Variants in ABTB2 observed in about 807,000 individuals in gnomAD.
The protein encoded by ABTB2 is ankyrin repeat and BTB domain containing 2.
In ABTB2, 56 loss-of-function variants were observed where a neutral mutation model predicts 104.1. That is an observed-to-expected ratio of 0.54 (90% CI 0.43 to 0.67). The LOEUF (loss-of-function observed/expected upper bound fraction) is 0.67. ABTB2 is among the 30% of genes least tolerant of loss of function. The pLI is 0.00. For synonymous variants in ABTB2, 606 were observed against 608.2 expected (o/e 1.00, Z 0.05); for missense variants, 1,279 against 1,407.7 (o/e 0.91, Z 1.46).
At chr11:34,302,346 T>C (rs1274407212) in intron 1 of ABTB2, among the ~76,000 whole-genome samples, 1 of 152,270 alleles carries the variant, frequency 6.6e-6, no homozygotes, top group East Asian at 1.9e-4. Flanking sequence ...GACAGGATTT[T>C]AATCTTTCCC....
At chr11:34,326,507 G>A (rs1321243547) in intron 1 of ABTB2, among the ~76,000 whole-genome samples, 3 of 151,904 alleles carry the variant, frequency 2.0e-5, no homozygotes, top group Middle Eastern at 3.2e-3. Flanking sequence ...GCACATGCCT[G>A]TAGTCCCAGC....
chr11:34,219,520 G>T (rs1453299344), intron 1 of ABTB2, among the ~76,000 whole-genome samples: 1 of 152,132 alleles, frequency 6.6e-6, no homozygotes, highest in Non-Finnish European at 1.5e-5. Context: ...TCCAGCCTGG[G>T]CAACAGAGCA....
Position 34,357,601 on chromosome 11 carries a change from C to A in ABTB2, c.-18G>T. The stretch of plus-strand genomic sequence containing the variant: ...CCGGCCATGGGGAGCCTGCCGAGGG[C>A]GGCGTCGCCGAGCGAGGGGCACTCA... On this transcript the variant is annotated 5_prime_UTR_variant, in exon 1 of 17. Coordinates refer to ENST00000435224, the MANE Select transcript of ABTB2 (RefSeq NM_145804.3). The A allele has an allele frequency of 6.7e-7, 1 of 1,491,848 alleles. No homozygotes were observed. The highest frequency in any genetic ancestry group is 1.3e-5 in the South Asian group (1 of 79,440). The allele number at this position is 1,491,848 out of a possible 1,614,324, so 92.4% of individuals were successfully genotyped here. A position where few individuals can be genotyped will look rare whatever the true frequency, so the allele number is the denominator to read the frequency against.
At chr11:34,211,948 A>G (rs1452426087) in intron 1 of ABTB2, among the ~76,000 whole-genome samples, 1 of 151,694 alleles carries the variant, frequency 6.6e-6, no homozygotes, top group African/African-American at 2.4e-5. Context: ...GTCATCTAAT[A>G]CTTGGGCAAA....
At chr11:34,186,116 C>T (rs1296424267) in intron 3 of ABTB2, among the ~76,000 whole-genome samples, 1 of 152,240 alleles carries the variant, frequency 6.6e-6, no homozygotes, top group Non-Finnish European at 1.5e-5. Flanking sequence ...CACCGCTCCG[C>T]CCAACCTCCA....
At chr11:34,279,389 C>T (rs1160783722) in intron 1 of ABTB2, among the ~76,000 whole-genome samples, 1 of 152,170 alleles carries the variant, frequency 6.6e-6, no homozygotes, top group Non-Finnish European at 1.5e-5. Flanking sequence ...GAGTGAGCTG[C>T]CATGCCCGGT....
At chr11:34,220,872 G>A (rs1318534696) in intron 1 of ABTB2, among the ~76,000 whole-genome samples, 1 of 152,196 alleles carries the variant, frequency 6.6e-6, no homozygotes, top group Non-Finnish European at 1.5e-5. Flanking sequence ...GGTGTTGGCA[G>A]GGGTTGGTTT....
intron 16 of ABTB2, among the ~76,000 whole-genome samples, chr11:34,153,088 G>A (rs1259362429): frequency 6.6e-6 from 1 of 152,092 alleles, no homozygotes; most frequent in Non-Finnish European, 1.5e-5. Context: ...TGTGAAGGAG[G>A]TAAAGCCAAC....
chr11:34,350,781 C>T (rs1855389028), intron 1 of ABTB2, among the ~76,000 whole-genome samples: 1 of 152,226 alleles, frequency 6.6e-6, no homozygotes, highest in Non-Finnish European at 1.5e-5. Context: ...GGGCCAAGTA[C>T]TGACCTGTAT....
intron 3 of ABTB2, among the ~76,000 whole-genome samples, chr11:34,177,047 A>T (rs1027737243): frequency 6.6e-6 from 1 of 152,220 alleles, no homozygotes; most frequent in Non-Finnish European, 1.5e-5. Flanking sequence ...CTTTATTTCA[A>T]CCATCAGCAT....
intron 1 of ABTB2, among the ~76,000 whole-genome samples, chr11:34,230,031 G>A (rs1408283015): frequency 6.6e-6 from 1 of 152,156 alleles, no homozygotes; most frequent in East Asian, 1.9e-4. Context: ...CAACAGCAGG[G>A]CCCCTAGTCG....
At chr11:34,173,027 A>G in intron 4 of ABTB2, 128 bp downstream of exon 4, 2 of 1,213,658 alleles carry the variant, frequency 1.6e-6, no homozygotes, top group Non-Finnish European at 2.3e-6. Context: ...CACCCTTAGA[A>G]CAGCTCAAAT....
intron 1 of ABTB2, among the ~76,000 whole-genome samples, chr11:34,246,030 A>G (rs1346019976): frequency 1.3e-5 from 2 of 152,208 alleles, no homozygotes; most frequent in Non-Finnish European, 2.9e-5. Flanking sequence ...AGCTTCTAAA[A>G]CGTTCAGGCC....
chr11:34,167,323 G>C lies in ABTB2; in HGVS notation c.1691C>G (p.Pro564Arg), dbSNP rs773027569. ...SNSPRHPSIH[P>R]DSRHWTSLTF... ...CAGTGAGGTCCAGTGCCGGCTGTCG[G>C]GGTGGATGGAAGGGTGCCTGGGGGA... is the stretch of plus-strand genomic sequence containing the variant. The change falls in exon 7 of 17, where the codon CCC becomes CGC. Residue 564 changes from proline (P) to arginine (R), a missense_variant. Pro to Arg is a moderately radical substitution (Grantham distance 103). Transcript: ENST00000435224. The C allele has an allele frequency of 6.2e-7, 1 of 1,613,544 alleles. No homozygotes were observed. Among genetic ancestry groups the C allele is most frequent in the South Asian group, 1.1e-5 (1 of 90,958 alleles).
intron 1 of ABTB2, among the ~76,000 whole-genome samples, chr11:34,284,797 G>A (rs577290206): frequency 1.3e-5 from 2 of 152,356 alleles, no homozygotes; most frequent in East Asian, 3.9e-4. Context: ...AATCTGTCAG[G>A]AGGCCCTGAA....
chr11:34,214,324 CT>C (rs1422266973), intron 1 of ABTB2, among the ~76,000 whole-genome samples: 4 of 152,020 alleles, frequency 2.6e-5, no homozygotes, highest in Non-Finnish European at 5.9e-5. Context: ...GCTTTCCAAA[CT>C]TTTTATAATG....
At chr11:34,233,803 T>C (rs1428397961) in intron 1 of ABTB2, among the ~76,000 whole-genome samples, 1 of 152,198 alleles carries the variant, frequency 6.6e-6, no homozygotes, top group Non-Finnish European at 1.5e-5. Context: ...GTACAAATAG[T>C]ACATGTACAA....
intron 1 of ABTB2, among the ~76,000 whole-genome samples, chr11:34,272,639 G>A (rs1420807630): frequency 6.8e-6 from 1 of 147,286 alleles, no homozygotes; most frequent in African/African-American, 2.6e-5. Context: ...CCTGGGAGGC[G>A]GAGCTTGCAG....
At chr11:34,233,351 C>T (rs1382105171) in intron 1 of ABTB2, among the ~76,000 whole-genome samples, 4 of 140,670 alleles carry the variant, frequency 2.8e-5, no homozygotes, top group African/African-American at 5.3e-5. Flanking sequence ...TTTTTTGAGA[C>T]AGAGCCTCCT....
Sources: allele counts gnomAD v4.1 joint callset (sites outside exome capture counted in the v4.1 genomes callset), GRCh38; gene constraint gnomAD v4.1.1; transcripts MANE v1.5; gene names NCBI Gene and HGNC (gene_info 2026-07-23, HGNC 2026-07-21).